The following DNAH6 variants were observed in gnomAD, a reference collection of about 807,000 sequenced individuals.
DNAH6 encodes dynein axonemal heavy chain 6.
DNAH6 carries 340 observed loss-of-function variants against 491.4 expected under a neutral mutation model. The ratio of observed to expected loss-of-function variants is 0.69; its 90% CI spans 0.63 to 0.76. The LOEUF is 0.76. DNAH6 is among the 30% of genes least tolerant of loss of function. DNAH6 has a pLI of 0.00. For missense variants in DNAH6, 4,443 were observed against 4,972.2 expected (o/e 0.89, Z 3.20); for synonymous variants, 1,603 against 1,686.1 (o/e 0.95, Z 1.21).
At chr2:84,818,681 A>T (rs1680739860) in intron 76 of DNAH6, among the ~76,000 whole-genome samples, 1 of 152,180 alleles carries the variant, frequency 6.6e-6, no homozygotes, top group Non-Finnish European at 1.5e-5. Flanking sequence ...ATATATTACA[A>T]GGGGGCGGCA....
At chr2:84,516,894 T>C (rs189006238) in intron 1 of DNAH6, among the ~76,000 whole-genome samples, 276 of 152,336 alleles carry the variant, frequency 1.8e-3, no homozygotes, top group African/African-American at 6.4e-3. Flanking sequence ...CACTGGATTT[T>C]GAAGGCGTGG....
At chr2:84,793,215 T>C (rs1677952737) in intron 68 of DNAH6, among the ~76,000 whole-genome samples, 1 of 141,344 alleles carries the variant, frequency 7.1e-6, no homozygotes. Flanking sequence ...TGCACACACG[T>C]ACACACACAC....
intron 48 of DNAH6, among the ~76,000 whole-genome samples, chr2:84,700,374 G>A (rs902537940): frequency 1.3e-5 from 2 of 152,098 alleles, no homozygotes; most frequent in African/African-American, 2.4e-5. Flanking sequence ...GAAGATGTGG[G>A]GGTAAGAGGT....
chr2:84,687,018 G>C (rs954280212), intron 44 of DNAH6, among the ~76,000 whole-genome samples: 1 of 152,188 alleles, frequency 6.6e-6, no homozygotes, highest in Non-Finnish European at 1.5e-5. Flanking sequence ...ACTCTACATA[G>C]TGAAGCTACT....
the DNAH6 span, among the ~76,000 whole-genome samples, chr2:84,506,848 C>G: frequency 1.1e-3 from 173 of 151,886 alleles, no homozygotes; most frequent in Non-Finnish European, 1.7e-3. Context: ...GCTTGTTTTT[C>G]TCAGGTTTGT....
At chr2:84,553,359 CTTTTCT>C (rs1323272043) in intron 10 of DNAH6, among the ~76,000 whole-genome samples, 3 of 36,096 alleles carry the variant, frequency 8.3e-5, no homozygotes, top group Admixed American at 6.0e-4. Flanking sequence ...CTTTTCTTTT[CTTTTCT>C]TTTCTTTCTT....
Position 84,547,532 on chromosome 2 carries a change from A to G in DNAH6, c.1106A>G (p.Tyr369Cys), listed in dbSNP as rs1428749225. The G allele has an allele frequency of 1.9e-6, 3 of 1,551,646 alleles. No homozygotes were observed. The highest frequency in any genetic ancestry group is 1.4e-5 in the African/African-American group (1 of 73,026). The change falls in exon 7 of 77, where the codon TAT (tyrosine) becomes TGT (cysteine). Residue 369 changes from tyrosine (Y) to cysteine (C), a missense_variant. Coordinates refer to ENST00000389394, the MANE Select transcript of DNAH6 (RefSeq NM_001370.2). ...GGAGAATTTCGAAATGAGGCAAAAT[A>G]TGTAGTCAGGAGGGCTTGTCGATTT... ...RLGEFRNEAK[Y>C]VVRRACRFAL... is the part of the protein sequence containing the mutation.
rs1223634864 is a variant in DNAH6, at chr2:84,781,644, A to T, written c.10855A>T (p.Thr3619Ser). 1 of 1,551,654 alleles carries T rather than the reference A, an allele frequency of 6.4e-7. No individual in the cohort carries two copies. Among genetic ancestry groups the T allele is most frequent in the Admixed American group, 2.0e-5 (1 of 50,978 alleles). ...LAMEELIKTF[T>S]DPDSAIKDTF... ...AATGGAAGAGCTCATTAAAACCTTC[A>T]CAGATCCAGGTATGTTGAGCATATA... Residue 3619 changes from threonine to serine, a missense_variant, in exon 65 of 77, where the codon ACA (threonine) becomes TCA (serine). This residue lies in a region of DNAH6 where 1,463 missense variants were observed against 1,656.6 expected (regional missense o/e 0.88). Coordinates refer to ENST00000389394, the MANE Select transcript of DNAH6 (RefSeq NM_001370.2).
intron 56 of DNAH6, 116 bp from the exon 57 acceptor site, chr2:84,712,979 C>T: frequency 2.4e-6 from 2 of 839,114 alleles, no homozygotes; most frequent in Non-Finnish European, 3.7e-6. Flanking sequence ...TCCATCAGAT[C>T]ACTGGAAAAT....
intron 2 of DNAH6, among the ~76,000 whole-genome samples, chr2:84,525,257 T>G (rs1676502102): frequency 6.6e-6 from 1 of 151,914 alleles, no homozygotes; most frequent in Non-Finnish European, 1.5e-5. Context: ...ATGATGGGGG[T>G]TTGTAATGGA....
intron 10 of DNAH6, among the ~76,000 whole-genome samples, chr2:84,553,327 A>ATT (rs1679592531): frequency 3.2e-4 from 3 of 9,422 alleles, no homozygotes; most frequent in Non-Finnish European, 4.8e-4. Flanking sequence ...TGAAGAGATC[A>ATT]CTTGTGAATA....
At chr2:84,467,568 C>T in the DNAH6 span, among the ~76,000 whole-genome samples, 4 of 152,176 alleles carry the variant, frequency 2.6e-5, no homozygotes, top group African/African-American at 7.2e-5. Context: ...GAGTGAGAGT[C>T]ATAGTGGCAT....
At chr2:84,602,121 C>A (rs1573178906) in intron 18 of DNAH6, among the ~76,000 whole-genome samples, 1 of 151,728 alleles carries the variant, frequency 6.6e-6, no homozygotes, top group South Asian at 2.1e-4. Context: ...TCTTTTAGAG[C>A]AATAAAAATA....
chr2:84,636,940 C>A (rs1688938736), intron 30 of DNAH6, among the ~76,000 whole-genome samples: 1 of 152,032 alleles, frequency 6.6e-6, no homozygotes, highest in Non-Finnish European at 1.5e-5. Context: ...AGTATATGTT[C>A]AGACCTAGAA....
intron 67 of DNAH6, 58 bp downstream of exon 67, chr2:84,785,814 T>C: frequency 7.2e-7 from 1 of 1,379,776 alleles, no homozygotes; most frequent in Non-Finnish European, 9.5e-7. Context: ...AATAAATAAA[T>C]AGTAATAATT....
chr2:84,758,370 A>G (rs2105111271), intron 63 of DNAH6, among the ~76,000 whole-genome samples: 1 of 152,294 alleles, frequency 6.6e-6, no homozygotes, highest in South Asian at 2.1e-4. Context: ...AAAAACTATA[A>G]AAGAAGTTGT....
At chr2:84,597,748 G>A (rs1277009827) in intron 18 of DNAH6, among the ~76,000 whole-genome samples, 1 of 152,174 alleles carries the variant, frequency 6.6e-6, no homozygotes, top group African/African-American at 2.4e-5. Flanking sequence ...ATAAAATGTG[G>A]CATATCTATA....
intron 62 of DNAH6, among the ~76,000 whole-genome samples, chr2:84,743,894 T>A (rs1014022499): frequency 1.3e-5 from 2 of 152,228 alleles, no homozygotes; most frequent in Non-Finnish European, 2.9e-5. Flanking sequence ...TTTTCTCCCA[T>A]CATTTCCTGG....
intron 10 of DNAH6, among the ~76,000 whole-genome samples, 168 bp from the exon 11 acceptor site, chr2:84,557,567 G>A (rs1353631252): frequency 2.1e-5 from 3 of 144,882 alleles, no homozygotes; most frequent in South Asian, 2.3e-4. Context: ...GGAGAATGGC[G>A]TGAACCCGGG....
Sources: gnomAD v4.1 joint callset for allele counts (sites outside exome capture counted in the v4.1 genomes callset) on GRCh38, gnomAD v4.1.1 for gene constraint, gnomAD v4.1.1 regional missense constraint, MANE v1.5 for transcripts, NCBI Gene and HGNC (gene_info 2026-07-23, HGNC 2026-07-21) for gene names.